DYNC1I1: variants seen among roughly 807,000 people sequenced by gnomAD.
DYNC1I1 encodes cytoplasmic dynein 1 intermediate chain 1.
Under a neutral mutation model 86.6 loss-of-function variants are expected in DYNC1I1, and 43 were observed. The ratio of observed to expected loss-of-function variants is 0.50; its 90% CI spans 0.39 to 0.64. The LOEUF (loss-of-function observed/expected upper bound fraction) is 0.64. Among genes scored for constraint, DYNC1I1 ranks in the 30% least tolerant of loss-of-function variants. The probability of loss-of-function intolerance (pLI) is 0.00; values close to 1 mark genes in which losing one functional copy is unlikely to be tolerated. For synonymous variants in DYNC1I1, 262 were observed against 283.7 expected (o/e 0.92, Z 0.77); for missense variants, 604 against 788.8 (o/e 0.77, Z 2.81).
chr7:95,810,534 T>G, intron 3 of DYNC1I1, 28 bp downstream of exon 3: 1 of 1,588,132 alleles, frequency 6.3e-7, no homozygotes, highest in Non-Finnish European at 8.6e-7. Context: ...CTGTTACTAT[T>G]CCTCAAAATC....
chr7:96,104,148 A>C (rs1226434718), intron 16 of DYNC1I1, among the ~76,000 whole-genome samples: 3 of 152,080 alleles, frequency 2.0e-5, no homozygotes, highest in African/African-American at 7.2e-5. Context: ...GCCACTTTAA[A>C]ATTATTTCTA....
intron 15 of DYNC1I1, among the ~76,000 whole-genome samples, chr7:96,079,073 C>T (rs1273746540): frequency 6.6e-6 from 1 of 151,232 alleles, no homozygotes; most frequent in East Asian, 1.9e-4. Context: ...GTGATTTAAG[C>T]GGGTGAAAGA....
At chr7:95,916,566 C>A (rs561246722) in intron 6 of DYNC1I1, among the ~76,000 whole-genome samples, 3 of 152,158 alleles carry the variant, frequency 2.0e-5, no homozygotes, top group African/African-American at 4.8e-5. Flanking sequence ...ATATAAGGGC[C>A]GAATTTTCAT....
Position 96,097,554 on chromosome 7 carries a change from T to C in DYNC1I1, c.1848T>C (p.Ala616=), listed in dbSNP as rs762685132. The change falls in exon 17 of 17, where the codon GCT becomes GCC. Residue 616 remains alanine, a synonymous_variant. Coordinates refer to ENST00000447467, the MANE Select transcript of DYNC1I1 (RefSeq NM_001135556.2). The part of the protein sequence containing the change: ...RTLVEIRANR[A]DSEEEGTVEL... ...TTGTGGAAATTCGTGCTAACAGAGC[T>C]GATAGCGAGGAGGAAGGCACTGTTG... 5.6e-6 allele frequency: 9 copies of C among 1,613,702 alleles called. No individual in the cohort carries two copies. Among genetic ancestry groups the C allele is most frequent in the African/African-American group, 4.0e-5 (3 of 74,886 alleles).
intron 6 of DYNC1I1, among the ~76,000 whole-genome samples, chr7:95,944,113 G>A (rs1183083089): frequency 6.6e-6 from 1 of 152,098 alleles, no homozygotes; most frequent in Non-Finnish European, 1.5e-5. Context: ...GAAAATTTTT[G>A]CAACCTACTC....
At chr7:95,957,029 T>G (rs1365353523) in intron 6 of DYNC1I1, among the ~76,000 whole-genome samples, 3 of 152,264 alleles carry the variant, frequency 2.0e-5, no homozygotes, top group Non-Finnish European at 4.4e-5. Flanking sequence ...TTCAGCTTGG[T>G]CAATGGCTTG....
chr7:96,108,686 A>AC (rs1483676253), intron 16 of DYNC1I1, among the ~76,000 whole-genome samples: 3 of 151,618 alleles, frequency 2.0e-5, no homozygotes, highest in African/African-American at 7.3e-5. Flanking sequence ...AGATGGTAAA[A>AC]CCCCGTCTCT....
intron 7 of DYNC1I1, 74 bp from the exon 8 acceptor site, chr7:95,984,741 T>C: frequency 1.4e-6 from 2 of 1,433,972 alleles, no homozygotes; most frequent in Non-Finnish European, 1.8e-6. Flanking sequence ...AAGAATTGGG[T>C]TCCTCTTGAT....
intron 7 of DYNC1I1, among the ~76,000 whole-genome samples, chr7:95,978,911 T>C (rs1419310779): frequency 6.6e-6 from 1 of 152,200 alleles, no homozygotes; most frequent in Non-Finnish European, 1.5e-5. Flanking sequence ...TTCTCCTGCC[T>C]TAGCATCCCG....
At chr7:96,013,010 A>G (rs1358031184) in intron 10 of DYNC1I1, among the ~76,000 whole-genome samples, 1 of 152,092 alleles carries the variant, frequency 6.6e-6, no homozygotes, top group East Asian at 1.9e-4. Flanking sequence ...GACTACAAAT[A>G]GGGTATAGTG....
chr7:96,063,327 C>G (rs939601211), intron 14 of DYNC1I1, among the ~76,000 whole-genome samples: 1 of 151,922 alleles, frequency 6.6e-6, no homozygotes, highest in South Asian at 2.1e-4. Flanking sequence ...TTGTGGGGAA[C>G]TGTGCGCATG....
At chr7:96,028,078 G>A (rs1427884656) in intron 10 of DYNC1I1, 97 bp from the exon 11 acceptor site, 3 of 1,470,808 alleles carry the variant, frequency 2.0e-6, no homozygotes, top group African/African-American at 1.4e-5. Flanking sequence ...TTTCCAGGAT[G>A]TGTTGAGTTT....
At chr7:95,794,870 A>G (rs996762804) in intron 1 of DYNC1I1, among the ~76,000 whole-genome samples, 3 of 152,260 alleles carry the variant, frequency 2.0e-5, no homozygotes, top group African/African-American at 7.2e-5. Flanking sequence ...AATTTACCCA[A>G]TATGAATAAA....
chr7:96,039,183 G>A (rs1788962300), intron 13 of DYNC1I1, 94 bp from the exon 14 acceptor site: 1 of 1,378,330 alleles, frequency 7.3e-7, no homozygotes, highest in Non-Finnish European at 9.8e-7. Context: ...TTATGGAGAT[G>A]CAGAGTTGAG....
intron 4 of DYNC1I1, among the ~76,000 whole-genome samples, chr7:95,815,889 A>G (rs1794935017): frequency 6.6e-6 from 1 of 152,228 alleles, no homozygotes; most frequent in South Asian, 2.1e-4. Context: ...TTTCTTTAGA[A>G]AGCCAAAATT....
At chr7:96,037,700 A>G (rs1390077279) in intron 13 of DYNC1I1, among the ~76,000 whole-genome samples, 1 of 152,178 alleles carries the variant, frequency 6.6e-6, no homozygotes, top group African/African-American at 2.4e-5. Flanking sequence ...TTCTGTGGCT[A>G]CTGTACTTTC....
chr7:95,906,249 T>C (rs1791173152), intron 6 of DYNC1I1, among the ~76,000 whole-genome samples: 1 of 152,242 alleles, frequency 6.6e-6, no homozygotes, highest in South Asian at 2.1e-4. Flanking sequence ...CATTCTTATT[T>C]CACCACTTAT....
chr7:95,912,513 C>T (rs1241808144), intron 6 of DYNC1I1, among the ~76,000 whole-genome samples: 3 of 152,110 alleles, frequency 2.0e-5, no homozygotes, highest in African/African-American at 4.8e-5. Context: ...CTTTCCCACT[C>T]CTTGATTTGC....
chr7:96,041,932 T>C (rs1339151919), intron 14 of DYNC1I1, among the ~76,000 whole-genome samples: 1 of 152,138 alleles, frequency 6.6e-6, no homozygotes, highest in Non-Finnish European at 1.5e-5. Context: ...AATTTAAAAA[T>C]TGATTCCTAA....
Sources: allele counts gnomAD v4.1 joint callset (sites outside exome capture counted in the v4.1 genomes callset), GRCh38; gene constraint gnomAD v4.1.1; transcripts MANE v1.5; gene names NCBI Gene and HGNC (gene_info 2026-07-23, HGNC 2026-07-21).